Variants in LRRC4C observed in about 807,000 individuals in gnomAD.
The protein encoded by LRRC4C is leucine rich repeat containing 4C, also known as leucine-rich repeat-containing protein 4C.
In LRRC4C, 5 loss-of-function variants were observed where a neutral mutation model predicts 33.6. That is an observed-to-expected ratio of 0.15 (90% CI 0.08 to 0.31). The LOEUF (loss-of-function observed/expected upper bound fraction) is 0.31, where lower values mean the gene tolerates loss of function less well. Among genes scored for constraint, LRRC4C ranks in the 10% least tolerant of loss-of-function variants. LRRC4C has a pLI of 1.00. For synonymous variants in LRRC4C, 329 were observed against 302.0 expected, an observed-to-expected ratio of 1.09 and a Z score of -0.93; for missense variants, 560 against 796.7, an observed-to-expected ratio of 0.70 and a Z score of 3.58.
intron 5 of LRRC4C, among the ~76,000 whole-genome samples, chr11:40,194,272 A>G (rs964293156): frequency 1.3e-5 from 2 of 152,232 alleles, no homozygotes; most frequent in Middle Eastern, 3.2e-3. Flanking sequence ...CAGAAACCCT[A>G]CAAACCAGAA....
intron 2 of LRRC4C, among the ~76,000 whole-genome samples, chr11:40,802,008 A>G (rs1951063035): frequency 6.6e-6 from 1 of 152,222 alleles, no homozygotes; most frequent in Non-Finnish European, 1.5e-5. Flanking sequence ...CACATCCACC[A>G]GGCTTTTCTT....
chr11:40,659,306 G>A (rs1943298350), intron 2 of LRRC4C, among the ~76,000 whole-genome samples: 1 of 152,218 alleles, frequency 6.6e-6, no homozygotes. Flanking sequence ...GCTGGGTGGT[G>A]GCAGGAACAG....
chr11:41,437,704 T>C (rs1020253961), intron 1 of LRRC4C, among the ~76,000 whole-genome samples: 54 of 152,204 alleles, frequency 3.5e-4, no homozygotes, highest in African/African-American at 1.3e-3. Context: ...CTCCTGACTT[T>C]TTTGCGCTAA....
chr11:40,666,810 TC>T (rs1943834185), intron 2 of LRRC4C, among the ~76,000 whole-genome samples: 1 of 152,140 alleles, frequency 6.6e-6, no homozygotes, highest in African/African-American at 2.4e-5. Flanking sequence ...CAGATGGTAA[TC>T]AACCAAGTCT....
chr11:40,427,610 T>A (rs2137811919), intron 3 of LRRC4C, among the ~76,000 whole-genome samples: 1 of 152,302 alleles, frequency 6.6e-6, no homozygotes, highest in Middle Eastern at 3.4e-3. Flanking sequence ...GGTGAATTGC[T>A]TAAGGCCAGG....
At chr11:40,467,331 C>A (rs890917679) in intron 3 of LRRC4C, among the ~76,000 whole-genome samples, 27 of 152,104 alleles carry the variant, frequency 1.8e-4, no homozygotes, top group African/African-American at 6.3e-4. Flanking sequence ...TTAAAAAAAT[C>A]ATCATTATTA....
At chr11:41,132,011 G>C (rs916721346) in intron 1 of LRRC4C, among the ~76,000 whole-genome samples, 2 of 152,160 alleles carry the variant, frequency 1.3e-5, no homozygotes, top group Admixed American at 6.5e-5. Flanking sequence ...TGAGCAGCCT[G>C]TGCCACTGCT....
At chr11:40,333,044 A>C (rs1946431431) in intron 3 of LRRC4C, among the ~76,000 whole-genome samples, 1 of 152,184 alleles carries the variant, frequency 6.6e-6, no homozygotes, top group Non-Finnish European at 1.5e-5. Flanking sequence ...TGCACTTATG[A>C]CCCATGCATG....
In LRRC4C at chr11:40,493,191, A is replaced by G. The variant is rs1220819416; in HGVS notation, c.-270+154951T>C. Among the ~76,000 whole-genome samples, 5 of 152,038 alleles carry G rather than the reference A, an allele frequency of 3.3e-5. No homozygotes were observed. In the East Asian group the frequency reaches 9.6e-4, roughly 29 times the overall value. On this transcript the variant is annotated intron_variant, in intron 3 of 6. Transcript: ENST00000528697. ...GCAGTATAGAAATTTAATCTTGTCT[A>G]AACACAGACTACTTTAAGAATGGGA... is the stretch of plus-strand genomic sequence containing the variant.
chr11:40,892,795 G>A (rs1207718505), intron 2 of LRRC4C, among the ~76,000 whole-genome samples: 5 of 152,118 alleles, frequency 3.3e-5, no homozygotes, highest in Non-Finnish European at 7.4e-5. Flanking sequence ...CTGAATATAA[G>A]TTATTGTTTA....
chr11:41,071,012 T>C (rs1438657657), intron 1 of LRRC4C, among the ~76,000 whole-genome samples: 2 of 152,036 alleles, frequency 1.3e-5, no homozygotes, highest in Non-Finnish European at 2.9e-5. Context: ...CAAATGCCCA[T>C]CAATGTTAGA....
chr11:40,549,115 G>A (rs867707099), intron 3 of LRRC4C, among the ~76,000 whole-genome samples: 2 of 152,162 alleles, frequency 1.3e-5, no homozygotes, highest in Admixed American at 1.3e-4. Context: ...AAGCTAAGAA[G>A]TATATTGCAT....
chr11:40,791,483 G>C (rs992242316), intron 2 of LRRC4C, among the ~76,000 whole-genome samples: 4 of 152,070 alleles, frequency 2.6e-5, no homozygotes, highest in African/African-American at 9.7e-5. Context: ...ATCCACTCCA[G>C]GTGAAACTCT....
At chr11:40,578,306 T>A (rs977706632) in intron 3 of LRRC4C, among the ~76,000 whole-genome samples, 3 of 151,718 alleles carry the variant, frequency 2.0e-5, no homozygotes, top group Admixed American at 6.6e-5. Flanking sequence ...TACATTCAGG[T>A]GTCAGGATAT....
chr11:41,304,313 T>C (rs1340150144), intron 1 of LRRC4C, among the ~76,000 whole-genome samples: 3 of 97,840 alleles, frequency 3.1e-5, no homozygotes, highest in Admixed American at 1.9e-4. Flanking sequence ...GAGGAGCCCC[T>C]CTGCCCGGCC....
intron 3 of LRRC4C, among the ~76,000 whole-genome samples, chr11:40,622,033 A>T (rs1024769047): frequency 2.0e-5 from 3 of 150,428 alleles, no homozygotes; most frequent in African/African-American, 7.3e-5. Context: ...TGTGTAGATG[A>T]CTTTATCCAA....
intron 1 of LRRC4C, among the ~76,000 whole-genome samples, chr11:41,436,945 G>A (rs532858234): frequency 4.7e-4 from 71 of 152,202 alleles, no homozygotes; most frequent in African/African-American, 1.3e-3. Context: ...TCCAATAAAC[G>A]TGATAAATCT....
intron 1 of LRRC4C, among the ~76,000 whole-genome samples, chr11:41,292,828 A>C (rs981752574): frequency 6.6e-6 from 1 of 152,164 alleles, no homozygotes; most frequent in African/African-American, 2.4e-5. Context: ...CAATCTTAAA[A>C]AATTTTTCAG....
intron 5 of LRRC4C, among the ~76,000 whole-genome samples, chr11:40,170,890 C>T (rs1010766917): frequency 4.6e-5 from 7 of 152,172 alleles, no homozygotes; most frequent in East Asian, 1.9e-4. Context: ...GGAGACTACA[C>T]GTTAAAGTAG....
Sources: gnomAD v4.1 joint callset for allele counts (sites outside exome capture counted in the v4.1 genomes callset) on GRCh38, gnomAD v4.1.1 for gene constraint, MANE v1.5 for transcripts, NCBI Gene and HGNC (gene_info 2026-07-23, HGNC 2026-07-21) for gene names.